The following ZBTB16 variants were observed in gnomAD, a reference collection of about 807,000 sequenced individuals.
ZBTB16 encodes zinc finger and BTB domain-containing protein 16.
A neutral mutation model predicts 56.8 loss-of-function variants in ZBTB16; 8 were observed. The ratio of observed to expected loss-of-function variants is 0.14; its 90% CI spans 0.08 to 0.25. ZBTB16 has a LOEUF of 0.25. Ranked by LOEUF, ZBTB16 falls within the 10% of genes least tolerant of loss-of-function variation. The pLI is 1.00. For missense variants in ZBTB16, 625 were observed against 903.0 expected, an observed-to-expected ratio of 0.69 and a Z score of 3.95; for synonymous variants, 363 against 368.5, an observed-to-expected ratio of 0.98 and a Z score of 0.17.
intron 3 of ZBTB16, among the ~76,000 whole-genome samples, chr11:114,171,121 G>A (rs1308934404): frequency 6.6e-6 from 1 of 152,148 alleles, no homozygotes; most frequent in Non-Finnish European, 1.5e-5. Flanking sequence ...AGCTGACCCG[G>A]GAGCAAAGAG....
rs757004570 is a variant in ZBTB16, at chr11:114,250,507, G to A, written c.1974G>A (p.Pro658=). 6 of 1,614,142 alleles carry A rather than the reference G, an allele frequency of 3.7e-6. No homozygotes were observed. The highest frequency in any genetic ancestry group is 4.2e-6 in the Non-Finnish European group (5 of 1,180,034). The change falls in exon 7 of 7, where the codon CCG becomes CCA. Residue 658 remains proline, a synonymous_variant. Coordinates refer to ENST00000335953, the MANE Select transcript of ZBTB16 (RefSeq NM_006006.6). The surrounding 1 kb of genome is among the most constrained non-coding windows in gnomAD (Gnocchi z 6.0). ...AGGGCCACAAGCCCGAGGAGATCCC[G>A]CCCGACTGGAGGATAGAGAAGACGT... ...HMKGHKPEEI[P]PDWRIEKTYL... is the part of the protein sequence containing the mutation.
Position 114,064,299 on chromosome 11 carries a change from C to G in ZBTB16, c.999C>G (p.Ile333Met). Residue 333 changes from isoleucine to methionine, a missense_variant, in exon 2 of 7, where the codon ATC becomes ATG. Coordinates refer to ENST00000335953, the MANE Select transcript of ZBTB16 (RefSeq NM_006006.6). The surrounding 1 kb of genome is among the most constrained non-coding windows in gnomAD (Gnocchi z 4.2). ...PAPPPEKHLG[I>M]YSVLPNHKAD... is the part of the protein sequence containing the mutation. ...CCCCGCCTGAGAAGCATCTGGGCAT[C>G]TACTCCGTGTTGCCCAACCACAAGG... is the stretch of plus-strand genomic sequence containing the variant. The G allele has an allele frequency of 6.2e-7, 1 of 1,614,146 alleles. No individual in the cohort carries two copies. The highest frequency in any genetic ancestry group is 8.5e-7 in the Non-Finnish European group (1 of 1,180,044).
intron 2 of ZBTB16, among the ~76,000 whole-genome samples, chr11:114,133,407 C>T (rs950790696): frequency 4.6e-5 from 7 of 152,182 alleles, no homozygotes; most frequent in African/African-American, 1.7e-4. Flanking sequence ...TGCCCCTTTC[C>T]TGCATGCCCA....
At chr11:114,233,075 GCGCGCGCA>G (rs1486967197) in intron 4 of ZBTB16, among the ~76,000 whole-genome samples, 2 of 35,696 alleles carry the variant, frequency 5.6e-5, no homozygotes, top group African/African-American at 1.8e-4. Context: ...ATGCGCGCGC[GCGCGCGCA>G]CACACACACA....
chr11:114,171,661 C>T (rs1942971981), intron 3 of ZBTB16, among the ~76,000 whole-genome samples: 1 of 152,234 alleles, frequency 6.6e-6, no homozygotes, highest in South Asian at 2.1e-4. Context: ...TTCCCTACTG[C>T]TCAGCCCTGC....
At chr11:114,124,001 G>A (rs1181734953) in intron 2 of ZBTB16, among the ~76,000 whole-genome samples, 2 of 152,050 alleles carry the variant, frequency 1.3e-5, no homozygotes, top group Non-Finnish European at 1.5e-5. Context: ...TTCTGAATTA[G>A]GAATCAAAAC....
In ZBTB16 at chr11:114,177,187, G is replaced by A. The variant is rs183447121; in HGVS notation, c.1367-9765G>A. Among the ~76,000 whole-genome samples, 63 of 152,306 alleles carry A rather than the reference G, an allele frequency of 4.1e-4. 1 individual carries two copies. The highest frequency in any genetic ancestry group is 3.7e-3 in the Admixed American group (56 of 15,310). On this transcript the variant is annotated intron_variant, in intron 3 of 6. Transcript: ENST00000335953. The stretch of plus-strand genomic sequence containing the variant: ...TTTCTTGTTTAAGCTATCATATGAG[G>A]ATGAATAGCTACATTTTCAGGAGGG...
chr11:114,116,451 G>A (rs748937363), intron 2 of ZBTB16, among the ~76,000 whole-genome samples: 5 of 152,180 alleles, frequency 3.3e-5, no homozygotes, highest in Admixed American at 6.5e-5. Context: ...GTAACCCTCA[G>A]CTCAGAAGAT....
At chr11:114,090,049 A>T (rs999362542) in intron 2 of ZBTB16, among the ~76,000 whole-genome samples, 1 of 152,180 alleles carries the variant, frequency 6.6e-6, no homozygotes, top group Non-Finnish European at 1.5e-5. Context: ...GGACATACGG[A>T]GGTCATCTAG....
chr11:114,149,283 A>C (rs1244624879), intron 2 of ZBTB16, among the ~76,000 whole-genome samples: 1 of 152,188 alleles, frequency 6.6e-6, no homozygotes, highest in Admixed American at 6.5e-5. Flanking sequence ...CGATGTATAT[A>C]TATGTACACA....
At chr11:114,104,468 T>A (rs934063094) in intron 2 of ZBTB16, among the ~76,000 whole-genome samples, 1 of 152,176 alleles carries the variant, frequency 6.6e-6, no homozygotes, top group African/African-American at 2.4e-5. Context: ...CCTCCTTCTT[T>A]CATGGCAGGA....
rs114135506 is a variant in ZBTB16, at chr11:114,105,793, C to T, written c.1268+41225C>T. Among the ~76,000 whole-genome samples, 1,131 of 152,170 alleles carry T rather than the reference C, an allele frequency of 7.4e-3. 19 individuals are homozygous for T. The highest frequency in any genetic ancestry group is 0.025 in the African/African-American group (1,047 of 41,504). On this transcript the variant is annotated intron_variant, in intron 2 of 6. Coordinates refer to ENST00000335953, the MANE Select transcript of ZBTB16 (RefSeq NM_006006.6). The stretch of plus-strand genomic sequence containing the variant: ...AAGACAAATACTTACAAATTGTCAC[C>T]GAGGGTACCATAAAAGAGACATTTG...
At position 114,143,540 on chromosome 11, in the gene ZBTB16, G is replaced by A. The variant is rs1435707625; in HGVS notation, c.1269-12797G>A. On this transcript the variant is annotated intron_variant, in intron 2 of 6. Transcript: ENST00000335953. The surrounding 1 kb of genome is among the most constrained non-coding windows in gnomAD (Gnocchi z 6.4). The stretch of plus-strand genomic sequence containing the variant: ...TTTTGGAAGTATCAGGTTCCTGCAG[G>A]GAGATTACACAAAAATGTAGAAAAA... 6.6e-6 allele frequency among the ~76,000 whole-genome samples: 1 copy of A among 152,148 alleles called. No homozygotes were observed. Among genetic ancestry groups the A allele is most frequent in the Non-Finnish European group, 1.5e-5 (1 of 68,038 alleles).
chr11:114,113,025 T>G (rs1941069550), intron 2 of ZBTB16, among the ~76,000 whole-genome samples: 1 of 152,178 alleles, frequency 6.6e-6, no homozygotes, highest in African/African-American at 2.4e-5. Context: ...TTCTCCCGCT[T>G]AGGCCTTCTA....
rs141830176 is a variant in ZBTB16, at chr11:114,229,609, T to C, written c.1454-12558T>C. 2.3e-3 allele frequency among the ~76,000 whole-genome samples: 355 copies of C among 152,360 alleles called. 1 individual carries two copies. Among genetic ancestry groups the C allele is most frequent in the African/African-American group, 8.3e-3 (345 of 41,586 alleles). On this transcript the variant is annotated intron_variant, in intron 4 of 6. Transcript: ENST00000335953. ...TTCTCTGAAGGACTGGAAAGGAAAT[T>C]CGTAGCTACGTTCTCTGCTCCTTTA...
chr11:114,097,681 A>G (rs117391423), intron 2 of ZBTB16, among the ~76,000 whole-genome samples: 7,487 of 152,172 alleles, frequency 0.049, 268 homozygotes, highest in Non-Finnish European at 0.076. Context: ...AGTGATTTTT[A>G]TTAAGTGCTA....
At chr11:114,234,543 G>A (rs544136181) in intron 4 of ZBTB16, among the ~76,000 whole-genome samples, 3 of 152,268 alleles carry the variant, frequency 2.0e-5, no homozygotes, top group Admixed American at 6.5e-5. Context: ...GTACAGTAGT[G>A]CATCCCTAAT....
At chr11:114,141,072 T>C (rs546899493) in intron 2 of ZBTB16, among the ~76,000 whole-genome samples, 9 of 152,254 alleles carry the variant, frequency 5.9e-5, no homozygotes, top group Admixed American at 5.9e-4. Context: ...CTCCGCAGGC[T>C]CCTCGCCGCT....
At chr11:114,156,489 GC>G (rs1942414924) in intron 3 of ZBTB16, 55 bp downstream of exon 3, 1 of 1,548,406 alleles carries the variant, frequency 6.5e-7, no homozygotes. Context: ...TCTCCTGCTT[GC>G]CTTTACCCCT....
Sources: allele counts gnomAD v4.1 joint callset (sites outside exome capture counted in the v4.1 genomes callset), GRCh38; gene constraint gnomAD v4.1.1; non-coding constraint Gnocchi (gnomAD v3.1); transcripts MANE v1.5; gene names NCBI Gene and HGNC (gene_info 2026-07-23, HGNC 2026-07-21).